Variants in DUSP13B observed in about 807,000 individuals in gnomAD.
The protein encoded by DUSP13B is dual specificity phosphatase 13B.
the DUSP13B span, chr10:75,105,779 G>T: frequency 6.4e-7 from 1 of 1,551,410 alleles, no homozygotes; most frequent in South Asian, 1.2e-5. Flanking sequence ...ACCGCCTGGC[G>T]CAGGGACAGC....
the DUSP13B span, chr10:75,099,389 A>T: frequency 1.6e-6 from 2 of 1,232,018 alleles, no homozygotes; most frequent in East Asian, 3.2e-5. Context: ...CTCATCCCCC[A>T]CTGTGACCTC....
At chr10:75,104,007 C>A in the DUSP13B span, 1 of 1,357,748 alleles carries the variant, frequency 7.4e-7, no homozygotes, top group Non-Finnish European at 9.8e-7. Flanking sequence ...TTCTGTGTGT[C>A]CGCCTGGGCC....
the DUSP13B span, chr10:75,105,679 C>T: frequency 3.6e-5 from 55 of 1,548,990 alleles, no homozygotes; most frequent in Non-Finnish European, 4.7e-5. Context: ...TCAGCTCTGG[C>T]CGGCACCCCG....
chr10:75,094,851 C>A, the DUSP13B span: 1 of 1,614,128 alleles, frequency 6.2e-7, no homozygotes, highest in East Asian at 2.2e-5. Context: ...GCGGCTTACC[C>A]CCATGGCACA....
At chr10:75,108,223 G>A in the DUSP13B span, 1 of 1,584,276 alleles carries the variant, frequency 6.3e-7, no homozygotes, top group Admixed American at 1.7e-5. Flanking sequence ...GGGAGGGCAG[G>A]AAGGGCACTT....
the DUSP13B span, chr10:75,097,813 C>T: frequency 6.2e-7 from 1 of 1,613,872 alleles, no homozygotes; most frequent in Admixed American, 1.7e-5. Flanking sequence ...ATGTGGGCGG[C>T]TGGTAGGGAG....
At chr10:75,105,064 G>A in the DUSP13B span, among the ~76,000 whole-genome samples, 1 of 152,222 alleles carries the variant, frequency 6.6e-6, no homozygotes, top group Non-Finnish European at 1.5e-5. Flanking sequence ...AGACAGGCAA[G>A]GAGTTGTAGA....
chr10:75,094,540 C>T, the DUSP13B span: 1 of 958,760 alleles, frequency 1.0e-6, no homozygotes, highest in Non-Finnish European at 1.5e-6. Flanking sequence ...GGTCACCACC[C>T]AGCTATCCCT....
the DUSP13B span, chr10:75,108,342 T>C: frequency 3.5e-6 from 5 of 1,438,250 alleles, no homozygotes; most frequent in African/African-American, 7.2e-5. Flanking sequence ...AAGCTCCAAG[T>C]GGGGTCTGAC....
At chr10:75,096,142 C>G in the DUSP13B span, among the ~76,000 whole-genome samples, 2 of 152,076 alleles carry the variant, frequency 1.3e-5, no homozygotes, top group Non-Finnish European at 2.9e-5. Flanking sequence ...GTAGTCCCAG[C>G]TACTCAGAAG....
At chr10:75,096,025 T>A in the DUSP13B span, among the ~76,000 whole-genome samples, 1 of 152,060 alleles carries the variant, frequency 6.6e-6, no homozygotes, top group African/African-American at 2.4e-5. Context: ...GAGACCGAGG[T>A]GGGCAGATCA....
the DUSP13B span, among the ~76,000 whole-genome samples, chr10:75,106,407 G>GTTT: frequency 6.6e-6 from 1 of 151,916 alleles, no homozygotes; most frequent in East Asian, 1.9e-4. Context: ...CCTGCAAATT[G>GTTT]TTTCCCCTGG....
chr10:75,095,282 C>A, the DUSP13B span, among the ~76,000 whole-genome samples: 1 of 152,202 alleles, frequency 6.6e-6, no homozygotes, highest in Non-Finnish European at 1.5e-5. Context: ...TTAGAGGAAC[C>A]CGCTCAAGAG....
At chr10:75,107,902 G>A in the DUSP13B span, 1 of 1,400,008 alleles carries the variant, frequency 7.1e-7, no homozygotes, top group East Asian at 2.5e-5. Flanking sequence ...TAAAAAGCAG[G>A]GATGGGAGGG....
the DUSP13B span, chr10:75,094,787 T>C: frequency 6.2e-7 from 1 of 1,614,124 alleles, no homozygotes; most frequent in Non-Finnish European, 8.5e-7. Context: ...GGATGGCCTC[T>C]ACCAGCGTCA....
chr10:75,108,356 A>C, the DUSP13B span: 1 of 1,391,150 alleles, frequency 7.2e-7, no homozygotes, highest in Non-Finnish European at 9.4e-7. Flanking sequence ...GTCTGACTCC[A>C]CAGCCCTATA....
the DUSP13B span, chr10:75,104,151 G>A: frequency 8.0e-7 from 1 of 1,248,582 alleles, no homozygotes; most frequent in South Asian, 1.3e-5. Context: ...GCCCAGGCTG[G>A]CTGGGACTTG....
chr10:75,102,813 G>A, the DUSP13B span, among the ~76,000 whole-genome samples: 1,467 of 152,258 alleles, frequency 9.6e-3, 24 homozygotes, highest in African/African-American at 0.034. Flanking sequence ...TTAGCTGGGC[G>A]TGGTGGCGCA....
At chr10:75,095,365 A>T in the DUSP13B span, among the ~76,000 whole-genome samples, 1 of 152,244 alleles carries the variant, frequency 6.6e-6, no homozygotes. Flanking sequence ...TGATGACCAC[A>T]CTGCATCTTA....
Sources: allele counts gnomAD v4.1 joint callset (sites outside exome capture counted in the v4.1 genomes callset), GRCh38; gene constraint gnomAD v4.1.1; transcripts MANE v1.5; gene names NCBI Gene and HGNC (gene_info 2026-07-23, HGNC 2026-07-21).